Variants in SLC25A37 observed in about 807,000 individuals in gnomAD.
SLC25A37 encodes solute carrier family 25 member 37.
In SLC25A37, 17 loss-of-function variants were observed where a neutral mutation model predicts 31.0. The observed-to-expected ratio is 0.55, with a 90% CI of 0.38 to 0.82. The LOEUF (loss-of-function observed/expected upper bound fraction) is 0.82, where lower values mean the gene tolerates loss of function less well. SLC25A37 is among the 40% of genes least tolerant of loss of function. The probability of loss-of-function intolerance (pLI) is 0.00; values close to 1 mark genes in which losing one functional copy is unlikely to be tolerated. For missense variants in SLC25A37, 404 were observed against 465.8 expected, an observed-to-expected ratio of 0.87 and a Z score of 1.22; for synonymous variants, 222 against 193.0, an observed-to-expected ratio of 1.15 and a Z score of -1.24.
intron 1 of SLC25A37, chr8:23,532,058 T>C (rs11781222): frequency 0.12 from 17,681 of 152,010 alleles, 1,243 homozygotes; most frequent in East Asian, 0.28. Context: ...TGGCTGGGAG[T>C]TGTGGTCAAA....
intron 1 of SLC25A37, among the ~76,000 whole-genome samples, chr8:23,563,283 C>T (rs1256638252): frequency 6.6e-6 from 1 of 152,206 alleles, no homozygotes; most frequent in Non-Finnish European, 1.5e-5. Flanking sequence ...AACTCCTGGG[C>T]TCAAGGGATT....
intron 1 of SLC25A37, among the ~76,000 whole-genome samples, chr8:23,554,822 T>A (rs1195397275): frequency 1.3e-5 from 2 of 152,164 alleles, no homozygotes; most frequent in African/African-American, 4.8e-5. Context: ...AGGGGCCTGG[T>A]AGGGAAGGCT....
chr8:23,560,352 G>A (rs950232003), intron 1 of SLC25A37, among the ~76,000 whole-genome samples: 3 of 152,298 alleles, frequency 2.0e-5, no homozygotes, highest in South Asian at 2.1e-4. Flanking sequence ...CTTCCTAGCC[G>A]CCTGCCTTCT....
chr8:23,529,337 T>A lies in SLC25A37; in HGVS notation c.210+125T>A. On this transcript the variant is annotated intron_variant, in intron 1 of 3. Coordinates refer to ENST00000519973, the MANE Select transcript of SLC25A37 (RefSeq NM_016612.4). The surrounding 1 kb of genome is among the most constrained non-coding windows in gnomAD (Gnocchi z 4.1). ...ACCGAGCTCTCCCCAGGACCGCGGC[T>A]GGCCGGGGTCGCCCCAGGAGCAGCT... 1.1e-6 allele frequency: 1 copy of A among 903,276 alleles called. No homozygotes were observed. Among genetic ancestry groups the A allele is most frequent in the Non-Finnish European group, 1.5e-6 (1 of 648,788 alleles). 56.0% of individuals were successfully genotyped at this position (903,276 alleles called of 1,614,324 possible).
intron 2 of SLC25A37, chr8:23,566,602 G>A: frequency 8.5e-7 from 1 of 1,178,468 alleles, no homozygotes; most frequent in South Asian, 2.9e-5. Flanking sequence ...ATTGTTATGT[G>A]GGTTTTCTTT....
chr8:23,558,240 T>C (rs1802419884), intron 1 of SLC25A37, among the ~76,000 whole-genome samples: 1 of 152,224 alleles, frequency 6.6e-6, no homozygotes, highest in African/African-American at 2.4e-5. Context: ...TTTCTGATGC[T>C]ACAGATGGCT....
chr8:23,561,836 T>C (rs1293246623), intron 1 of SLC25A37, among the ~76,000 whole-genome samples: 2 of 152,238 alleles, frequency 1.3e-5, no homozygotes, highest in East Asian at 3.8e-4. Context: ...ATGGGTATTT[T>C]CAAACATTTC....
chr8:23,551,744 A>G (rs1302635268), intron 1 of SLC25A37, among the ~76,000 whole-genome samples: 1 of 152,184 alleles, frequency 6.6e-6, no homozygotes, highest in East Asian at 1.9e-4. Flanking sequence ...TGAGTCGCCC[A>G]AGGACACACA....
Position 23,575,433 on chromosome 8 carries a change from A to C in SLC25A37, c.*3578A>C, listed in dbSNP as rs964127668. On this transcript the variant is annotated 3_prime_UTR_variant, in exon 4 of 4. Transcript: ENST00000519973. The stretch of plus-strand genomic sequence containing the variant: ...TGCTGCTACAGTTGCAAAACACTGG[A>C]GCTAGAGAAAATAAAGTACTGATCT... 4 of 152,144 alleles carry C rather than the reference A, an allele frequency of 2.6e-5. No homozygotes were observed. Among genetic ancestry groups the C allele is most frequent in the Non-Finnish European group, 5.9e-5 (4 of 68,018 alleles). The allele number at this position is 152,144 out of a possible 1,614,324, so 9.4% of individuals were successfully genotyped here.
intron 1 of SLC25A37, among the ~76,000 whole-genome samples, chr8:23,551,305 A>G (rs1239248780): frequency 6.6e-6 from 1 of 152,186 alleles, no homozygotes; most frequent in East Asian, 1.9e-4. Flanking sequence ...ATGGTTAGTG[A>G]AGAAAGGTGA....
chr8:23,534,457 C>T lies in SLC25A37; in HGVS notation c.210+5245C>T, dbSNP rs531371521. On this transcript the variant is annotated intron_variant, in intron 1 of 3. Coordinates refer to ENST00000519973, the MANE Select transcript of SLC25A37 (RefSeq NM_016612.4). ...CTGATTTTCTTCCTGCTTTCTCTTT[C>T]CTGACCCAGCTTTCCATTGCTTCTT... Among the ~76,000 whole-genome samples, 5 of 152,318 alleles carry T rather than the reference C, an allele frequency of 3.3e-5. No individual in the cohort carries two copies. In the East Asian group the frequency reaches 9.6e-4, roughly 29 times the overall value.
At chr8:23,543,521 C>T (rs944883091) in intron 1 of SLC25A37, among the ~76,000 whole-genome samples, 1 of 152,162 alleles carries the variant, frequency 6.6e-6, no homozygotes, top group African/African-American at 2.4e-5. Flanking sequence ...CCCAGAGCAA[C>T]TTCCAGTTCT....
intron 1 of SLC25A37, among the ~76,000 whole-genome samples, chr8:23,560,694 C>T (rs1802493801): frequency 6.6e-6 from 1 of 152,240 alleles, no homozygotes; most frequent in South Asian, 2.1e-4. Context: ...GTGTCATTAA[C>T]TAAGACCTGC....
At chr8:23,553,753 G>T (rs886940817) in intron 1 of SLC25A37, among the ~76,000 whole-genome samples, 1 of 152,188 alleles carries the variant, frequency 6.6e-6, no homozygotes, top group Admixed American at 6.5e-5. Flanking sequence ...AACCACTATT[G>T]CCCAGTCTTG....
chr8:23,566,010 AT>A, intron 1 of SLC25A37, 97 bp from the exon 2 acceptor site: 1 of 1,436,536 alleles, frequency 7.0e-7, no homozygotes, highest in African/African-American at 1.5e-5. Flanking sequence ...AAACTATGAC[AT>A]TGTTTTTCTC....
rs1802903433 is a variant in SLC25A37, at chr8:23,573,047, G to C, written c.*1192G>C. 1 of 152,238 alleles carries C rather than the reference G, an allele frequency of 6.6e-6. No individual in the cohort carries two copies. Among genetic ancestry groups the C allele is most frequent in the African/African-American group, 2.4e-5 (1 of 41,418 alleles). The allele number at this position is 152,238 out of a possible 1,614,324, so 9.4% of individuals were successfully genotyped here. On this transcript the variant is annotated 3_prime_UTR_variant, in exon 4 of 4. Coordinates refer to ENST00000519973, the MANE Select transcript of SLC25A37 (RefSeq NM_016612.4). Reference sequence around the variant, plus strand: ...TGAATCTCATCTCCTGTGTTTCCCTGTGCAGTCTAGGGAAGCATGTCTCCA... The same window carrying C: ...TGAATCTCATCTCCTGTGTTTCCCTCTGCAGTCTAGGGAAGCATGTCTCCA...
intron 1 of SLC25A37, among the ~76,000 whole-genome samples, chr8:23,533,984 G>A (rs552230604): frequency 6.6e-6 from 1 of 151,780 alleles, no homozygotes; most frequent in Admixed American, 6.6e-5. Flanking sequence ...GTCTCGGTCT[G>A]TCACCCAGGT....
At chr8:23,569,458 C>T (rs998608412) in intron 3 of SLC25A37, among the ~76,000 whole-genome samples, 1 of 151,132 alleles carries the variant, frequency 6.6e-6, no homozygotes, top group Non-Finnish European at 1.5e-5. Flanking sequence ...TAACCCTTAT[C>T]GATCCTAGAC....
At chr8:23,538,793 G>A (rs1378445572) in intron 1 of SLC25A37, among the ~76,000 whole-genome samples, 2 of 152,168 alleles carry the variant, frequency 1.3e-5, no homozygotes, top group Non-Finnish European at 2.9e-5. Flanking sequence ...CTGTCTTGAC[G>A]GACTTTCAGA....
Sources: allele counts gnomAD v4.1 joint callset (sites outside exome capture counted in the v4.1 genomes callset), GRCh38; gene constraint gnomAD v4.1.1; non-coding constraint Gnocchi (gnomAD v3.1); transcripts MANE v1.5; gene names NCBI Gene and HGNC (gene_info 2026-07-23, HGNC 2026-07-21).